The following PIWIL2 variants were observed in gnomAD, a reference collection of about 807,000 sequenced individuals.
The protein encoded by PIWIL2 is piwi like RNA-mediated gene silencing 2.
In PIWIL2, 81 loss-of-function variants were observed where a neutral mutation model predicts 116.5. The observed-to-expected ratio is 0.70, with a 90% CI of 0.58 to 0.84. The LOEUF (loss-of-function observed/expected upper bound fraction) is 0.84. Ranked by LOEUF, PIWIL2 falls within the 40% of genes least tolerant of loss-of-function variation. PIWIL2 has a pLI of 0.00. For synonymous variants in PIWIL2, 489 were observed against 429.5 expected, an observed-to-expected ratio of 1.14 and a Z score of -1.71; for missense variants, 1,272 against 1,212.3, an observed-to-expected ratio of 1.05 and a Z score of -0.73.
chr8:22,310,640 C>T (rs1196423491), intron 15 of PIWIL2, among the ~76,000 whole-genome samples: 2 of 151,796 alleles, frequency 1.3e-5, no homozygotes, highest in Non-Finnish European at 2.9e-5. Flanking sequence ...TTAAATAGAC[C>T]TGTGTAATCC....
At chr8:22,348,287 G>A (rs1001178802) in intron 20 of PIWIL2, among the ~76,000 whole-genome samples, 2 of 152,196 alleles carry the variant, frequency 1.3e-5, no homozygotes, top group Non-Finnish European at 2.9e-5. Flanking sequence ...GTGACTGAGC[G>A]AGACTCCATC....
At chr8:22,344,904 CA>C (rs1157507353) in intron 20 of PIWIL2, among the ~76,000 whole-genome samples, 3 of 152,042 alleles carry the variant, frequency 2.0e-5, no homozygotes, top group Admixed American at 1.3e-4. Context: ...ATTTAAAAGA[CA>C]AGTAATAAAA....
At chr8:22,309,152 G>A (rs1831263377) in intron 14 of PIWIL2, among the ~76,000 whole-genome samples, 2 of 151,732 alleles carry the variant, frequency 1.3e-5, no homozygotes, top group African/African-American at 4.8e-5. Flanking sequence ...AGTAGAGACG[G>A]GGTTTCACCA....
At chr8:22,277,397 C>T (rs536069170) in intron 1 of PIWIL2, among the ~76,000 whole-genome samples, 5 of 152,188 alleles carry the variant, frequency 3.3e-5, no homozygotes, top group African/African-American at 7.2e-5. Flanking sequence ...AGCCTCACCC[C>T]GGGTAACCTG....
rs1832410434 is a variant in PIWIL2 at position 22,353,100 on chromosome 8, G to T, written c.2545G>T (p.Val849Leu). 3 of 1,614,060 alleles carry T rather than the reference G, an allele frequency of 1.9e-6. No homozygotes were observed. Among genetic ancestry groups the T allele is most frequent in the African/African-American group, 2.7e-5 (2 of 74,930 alleles). The part of the protein sequence containing the change: ...AFENYQPKMV[V>L]FVVQKKISTN... ...TGAGAATTATCAGCCCAAGATGGTG[G>T]TGTTTGTAGTTCAGAAGAAAATCAG... Residue 849 changes from valine to leucine, a missense_variant, in exon 21 of 23, where the codon GTG (valine) becomes TTG (leucine). Transcript: ENST00000356766.
At chr8:22,343,642 T>C (rs1832160651) in intron 20 of PIWIL2, among the ~76,000 whole-genome samples, 1 of 152,186 alleles carries the variant, frequency 6.6e-6, no homozygotes, top group East Asian at 1.9e-4. Flanking sequence ...TACAAGCAGG[T>C]GTTCAATATC....
rs2132120686 is a variant in PIWIL2, at chr8:22,356,661, A to T, written c.*1156A>T. 1 of 152,180 alleles carries T rather than the reference A, an allele frequency of 6.6e-6. No homozygotes were observed. The highest frequency in any genetic ancestry group is 2.4e-5 in the African/African-American group (1 of 41,506). 9.4% of individuals were successfully genotyped at this position (152,180 alleles called of 1,614,324 possible). A position where few individuals can be genotyped will look rare whatever the true frequency, so the allele number is the denominator to read the frequency against. On this transcript the variant is annotated 3_prime_UTR_variant, in exon 23 of 23. Transcript: ENST00000356766. ...TCTATTTATATATGTTTGTAAATGG[A>T]ATTACCCCCTTTCTCTTGCAAAATA...
intron 11 of PIWIL2, 38 bp downstream of exon 11, chr8:22,304,247 G>A (rs1316123608): frequency 1.4e-6 from 2 of 1,423,072 alleles, no homozygotes; most frequent in Admixed American, 1.8e-5. Flanking sequence ...TCAGGGTGGG[G>A]GTTGGATGTA....
At chr8:22,301,506 C>T (rs931736662) in intron 10 of PIWIL2, among the ~76,000 whole-genome samples, 8 of 152,006 alleles carry the variant, frequency 5.3e-5, no homozygotes, top group African/African-American at 1.9e-4. Flanking sequence ...GTTGCCCAGG[C>T]TTGTCTCTAA....
chr8:22,335,976 A>C lies in PIWIL2; in HGVS notation c.2404-16983A>C, dbSNP rs62492569. ...AACAATTACAATATATGTGCACCTA[A>C]CAGTAGAGACCCAAAAACAGAGGAA... On this transcript the variant is annotated intron_variant, in intron 20 of 22. Coordinates refer to ENST00000356766, the MANE Select transcript of PIWIL2 (RefSeq NM_018068.5). 5.7e-3 allele frequency among the ~76,000 whole-genome samples: 866 copies of C among 152,328 alleles called. 5 individuals are homozygous for C. Among genetic ancestry groups the C allele is most frequent in the South Asian group, 0.023 (112 of 4,830 alleles).
intron 10 of PIWIL2, among the ~76,000 whole-genome samples, chr8:22,295,297 C>G (rs1022964092): frequency 6.6e-6 from 1 of 151,756 alleles, no homozygotes; most frequent in African/African-American, 2.4e-5. Context: ...CCTCAGCTTC[C>G]TGAGTAACTG....
At position 22,281,497 on chromosome 8, in the gene PIWIL2, C is replaced by G. The variant is rs1386391583; in HGVS notation, c.407C>G (p.Thr136Ser). Residue 136 changes from threonine to serine, a missense_variant, in exon 4 of 23, where the codon ACC (threonine) becomes AGC (serine). Coordinates refer to ENST00000356766, the MANE Select transcript of PIWIL2 (RefSeq NM_018068.5). ...LAAGDSKMAE[T>S]SVGWSRTLGR... The stretch of plus-strand genomic sequence containing the variant: ...GCTGGGGACAGCAAGATGGCAGAGA[C>G]CTCCGTTGGTTGGAGTAGGTGGGTA... The G allele has an allele frequency of 6.3e-7, 1 of 1,585,118 alleles. No homozygotes were observed. Among genetic ancestry groups the G allele is most frequent in the Non-Finnish European group, 8.5e-7 (1 of 1,172,994 alleles).
chr8:22,315,875 T>G (rs1831446322), intron 18 of PIWIL2, among the ~76,000 whole-genome samples: 1 of 152,208 alleles, frequency 6.6e-6, no homozygotes, highest in Non-Finnish European at 1.5e-5. Context: ...TTCATTTGCT[T>G]GCATCCCAAA....
chr8:22,333,977 T>G (rs573109088), intron 20 of PIWIL2, among the ~76,000 whole-genome samples: 2 of 151,632 alleles, frequency 1.3e-5, no homozygotes, highest in East Asian at 3.9e-4. Flanking sequence ...TTTTGTGTTT[T>G]TTTTTTTTTG....
In PIWIL2 at chr8:22,311,267, T is replaced by C. The variant is rs369302018; in HGVS notation, c.1956T>C (p.Tyr652=). ...VELKDDRIET[Y]VRTIQSTLGA... is the part of the protein sequence containing the mutation. ...TAAAGGATGACCGAATAGAGACTTA[T>C]GTCAGAACCATTCAATCCACGTTAG... The change falls in exon 16 of 23, where the codon TAT becomes TAC. Residue 652 remains tyrosine, a synonymous_variant. Transcript: ENST00000356766. The C allele has an allele frequency of 2.2e-5, 35 of 1,613,556 alleles. No homozygotes were observed. In the Admixed American group the frequency reaches 2.5e-4, roughly 12 times the overall value.
chr8:22,347,236 A>C (rs1180801025), intron 20 of PIWIL2, among the ~76,000 whole-genome samples: 1 of 146,974 alleles, frequency 6.8e-6, no homozygotes, highest in African/African-American at 2.5e-5. Flanking sequence ...TTTTTGAGAC[A>C]GAGTCTCACT....
At chr8:22,284,330 TC>T (rs1830583896) in intron 6 of PIWIL2, 58 bp downstream of exon 6, 2 of 844,310 alleles carry the variant, frequency 2.4e-6, no homozygotes, top group East Asian at 5.0e-5. Context: ...AAAAAATAGT[TC>T]CCCTGGAATA....
At chr8:22,312,428 C>A (rs1380737080) in intron 16 of PIWIL2, among the ~76,000 whole-genome samples, 1 of 151,778 alleles carries the variant, frequency 6.6e-6, no homozygotes, top group Non-Finnish European at 1.5e-5. Flanking sequence ...TCACACCTGG[C>A]TAATTAAAAA....
chr8:22,330,464 C>G (rs756714626), intron 20 of PIWIL2, among the ~76,000 whole-genome samples: 2 of 151,124 alleles, frequency 1.3e-5, no homozygotes, highest in Non-Finnish European at 1.5e-5. Context: ...TTTGGGAGGC[C>G]GAGGCGGGTG....
Sources: allele counts gnomAD v4.1 joint callset (sites outside exome capture counted in the v4.1 genomes callset), GRCh38; gene constraint gnomAD v4.1.1; transcripts MANE v1.5; gene names NCBI Gene and HGNC (gene_info 2026-07-23, HGNC 2026-07-21).